The following CUL5 variants were observed in gnomAD, a reference collection of about 807,000 sequenced individuals.
CUL5 encodes the protein cullin 5.
In CUL5, 26 loss-of-function variants were observed where a neutral mutation model predicts 108.8. The ratio of observed to expected loss-of-function variants is 0.24; its 90% confidence interval spans 0.18 to 0.33. The LOEUF (loss-of-function observed/expected upper bound fraction) is 0.33, where lower values mean the gene tolerates loss of function less well. CUL5 is among the 10% of genes least tolerant of loss of function. CUL5 has a pLI of 1.00. For synonymous variants in CUL5, 334 were observed against 298.0 expected (o/e 1.12, Z -1.25); for missense variants, 524 against 909.2 (o/e 0.58, Z 5.45).
intron 7 of CUL5, among the ~76,000 whole-genome samples, chr11:108,065,666 G>T (rs1863658738): frequency 6.6e-6 from 1 of 152,288 alleles, no homozygotes; most frequent in Admixed American, 6.5e-5. Context: ...AGCTGCTGCT[G>T]GGGGATGAGG....
At position 108,009,412 on chromosome 11, in the gene CUL5, G is replaced by T. The variant is rs369947709; in HGVS notation, c.24+40G>T. 30 of 1,609,230 alleles carry T rather than the reference G, an allele frequency of 1.9e-5. No homozygotes were observed. The South Asian group carries it at 3.1e-4, about 17-fold the overall frequency. On this transcript the variant is annotated intron_variant, in intron 1 of 18. Transcript: ENST00000393094. ...CCAGCTTGGGTTTTACTGTGTGGCC[G>T]CCGGGTTCGGCTCTTTGGGAAAGGC...
intron 10 of CUL5, chr11:108,073,884 C>T (rs1413010547): frequency 6.4e-6 from 1 of 155,808 alleles, no homozygotes; most frequent in Non-Finnish European, 1.4e-5. Context: ...TTGATTCCTC[C>T]ATCCTCCGTC....
chr11:108,071,055 G>A (rs562209702), intron 8 of CUL5, among the ~76,000 whole-genome samples: 1 of 152,212 alleles, frequency 6.6e-6, no homozygotes, highest in Non-Finnish European at 1.5e-5. Context: ...TCAATAAAAT[G>A]GCATAACATG....
chr11:108,068,314 T>TTTTGTTTTG (rs1565256046), intron 7 of CUL5, among the ~76,000 whole-genome samples: 76 of 151,928 alleles, frequency 5.0e-4, no homozygotes, highest in Non-Finnish European at 7.9e-4. Context: ...AAAACCTTTT[T>TTTTGTTTTG]TTTTGTTTTG....
At chr11:108,035,903 T>A (rs1321215235) in intron 2 of CUL5, among the ~76,000 whole-genome samples, 2 of 152,178 alleles carry the variant, frequency 1.3e-5, no homozygotes, top group Non-Finnish European at 2.9e-5. Context: ...ATCTGTGATT[T>A]CAGGATTCCA....
intron 2 of CUL5, among the ~76,000 whole-genome samples, chr11:108,037,361 C>T (rs1296045983): frequency 6.6e-6 from 1 of 152,210 alleles, no homozygotes; most frequent in Admixed American, 6.5e-5. Flanking sequence ...TGCTTCTTCC[C>T]TCTTCATGAG....
chr11:108,056,126 G>A (rs1170412223), intron 7 of CUL5, among the ~76,000 whole-genome samples: 1 of 152,136 alleles, frequency 6.6e-6, no homozygotes, highest in African/African-American at 2.4e-5. Context: ...TACCATGGTA[G>A]GTGTTTTCTT....
chr11:108,068,766 T>G (rs570776412), intron 7 of CUL5, among the ~76,000 whole-genome samples: 39 of 152,236 alleles, frequency 2.6e-4, no homozygotes, highest in Admixed American at 5.2e-4. Context: ...AGAGATGACA[T>G]GATATCTTCT....
chr11:108,059,157 C>A (rs572753400), intron 7 of CUL5, among the ~76,000 whole-genome samples: 3 of 152,100 alleles, frequency 2.0e-5, no homozygotes, highest in Non-Finnish European at 2.9e-5. Flanking sequence ...GGACAGTAGG[C>A]GCATGCAACC....
At chr11:108,044,987 TC>T (rs1268598463) in intron 2 of CUL5, among the ~76,000 whole-genome samples, 3 of 152,078 alleles carry the variant, frequency 2.0e-5, no homozygotes, top group Non-Finnish European at 4.4e-5. Flanking sequence ...GGTCTTGAAC[TC>T]CTGACCTCAA....
At chr11:108,017,405 A>AT (rs1200465209) in intron 1 of CUL5, among the ~76,000 whole-genome samples, 2 of 151,590 alleles carry the variant, frequency 1.3e-5, no homozygotes, top group African/African-American at 4.8e-5. Flanking sequence ...AAAAAAAAAA[A>AT]AAAAAGTATC....
intron 1 of CUL5, among the ~76,000 whole-genome samples, chr11:108,010,112 G>C (rs964530318): frequency 6.6e-6 from 1 of 152,270 alleles, no homozygotes; most frequent in South Asian, 2.1e-4. Context: ...TTCTCCACCA[G>C]TTAAAAAGTT....
intron 13 of CUL5, among the ~76,000 whole-genome samples, chr11:108,091,732 C>CACA (rs1555024090): frequency 6.7e-6 from 1 of 149,804 alleles, no homozygotes; most frequent in African/African-American, 2.5e-5. Context: ...CACACACACA[C>CACA]GACAAATAAT....
chr11:108,060,844 A>G (rs758494147), intron 7 of CUL5, among the ~76,000 whole-genome samples: 4 of 152,016 alleles, frequency 2.6e-5, no homozygotes, highest in Non-Finnish European at 5.9e-5. Context: ...AAAAAAGAAT[A>G]AGAATCTACC....
intron 1 of CUL5, among the ~76,000 whole-genome samples, chr11:108,029,066 G>T (rs947283173): frequency 1.3e-5 from 2 of 152,138 alleles, no homozygotes; most frequent in Admixed American, 1.3e-4. Flanking sequence ...CTTTGCATTG[G>T]CTGCTTTCTC....
At chr11:108,101,516 A>C (rs1481292813) in intron 18 of CUL5, among the ~76,000 whole-genome samples, 1 of 152,044 alleles carries the variant, frequency 6.6e-6, no homozygotes, top group Admixed American at 6.5e-5. Flanking sequence ...ACTCCACTAC[A>C]TCTTCTGTGT....
At chr11:108,019,671 C>A (rs780200811) in intron 1 of CUL5, among the ~76,000 whole-genome samples, 10 of 152,038 alleles carry the variant, frequency 6.6e-5, no homozygotes, top group Non-Finnish European at 1.5e-4. Flanking sequence ...TTATAAAAGT[C>A]TAGCACATAT....
intron 1 of CUL5, among the ~76,000 whole-genome samples, chr11:108,016,108 A>T (rs1276343604): frequency 2.0e-5 from 3 of 151,974 alleles, no homozygotes; most frequent in Non-Finnish European, 4.4e-5. Context: ...TAGAGATGGG[A>T]TCTCACCATA....
At chr11:108,100,500 C>CG (rs1565272423) in intron 18 of CUL5, among the ~76,000 whole-genome samples, 1 of 151,976 alleles carries the variant, frequency 6.6e-6, no homozygotes, top group African/African-American at 2.4e-5. Context: ...GCCTAGATTG[C>CG]GCCACTGCAC....
Sources: allele counts gnomAD v4.1 joint callset (sites outside exome capture counted in the v4.1 genomes callset), GRCh38; gene constraint gnomAD v4.1.1; transcripts MANE v1.5; gene names NCBI Gene and HGNC (gene_info 2026-07-23, HGNC 2026-07-21).